ITGB8: variants seen among roughly 807,000 people sequenced by gnomAD.
The protein encoded by ITGB8 is integrin beta-8.
In ITGB8, 30 loss-of-function variants were observed where a neutral mutation model predicts 89.5. That is an observed-to-expected ratio of 0.34 (90% confidence interval 0.25 to 0.45). The LOEUF (loss-of-function observed/expected upper bound fraction) is 0.45, where lower values mean the gene tolerates loss of function less well. ITGB8 is among the 20% of genes least tolerant of loss of function. The probability of loss-of-function intolerance (pLI) is 1.00; values close to 1 mark genes in which losing one functional copy is unlikely to be tolerated. For synonymous variants in ITGB8, 335 were observed against 320.4 expected, an observed-to-expected ratio of 1.05 and a Z score of -0.49; for missense variants, 836 against 933.3, an observed-to-expected ratio of 0.90 and a Z score of 1.36.
chr7:20,367,502 C>A (rs1583497096), intron 3 of ITGB8, among the ~76,000 whole-genome samples: 1 of 152,282 alleles, frequency 6.6e-6, no homozygotes, highest in East Asian at 1.9e-4. Flanking sequence ...ATTCCACTCT[C>A]TTTTTCCAAT....
At chr7:20,371,550 A>T (rs1420355618) in intron 3 of ITGB8, among the ~76,000 whole-genome samples, 2 of 152,172 alleles carry the variant, frequency 1.3e-5, no homozygotes, top group Non-Finnish European at 2.9e-5. Flanking sequence ...TATAAGATCC[A>T]TTGTGCTACC....
chr7:20,406,215 G>C, intron 12 of ITGB8, 44 bp downstream of exon 12: 1 of 1,180,990 alleles, frequency 8.5e-7, no homozygotes, highest in Non-Finnish European at 1.3e-6. Flanking sequence ...AGTGTCTGTA[G>C]AGGATGATGT....
rs1239557647 is a variant in ITGB8 at position 20,331,748 on chromosome 7, CGCG to C, written c.-58_-56del. 6.4e-5 allele frequency: 99 copies of C among 1,551,008 alleles called. 1 individual carries two copies. In the African/African-American group the frequency reaches 1.2e-3, roughly 19 times the overall value. On this transcript the variant is annotated 5_prime_UTR_variant, in exon 1 of 14. Coordinates refer to ENST00000222573, the MANE Select transcript of ITGB8 (RefSeq NM_002214.3). The stretch of plus-strand genomic sequence containing the variant: ...CGGGCCCCGAGGTGCGCCCGGGAGG[CGCG>C]AGCCCGCGTCCGGAAGGCAGTCAGG...
chr7:20,380,760 C>T lies in ITGB8; in HGVS notation c.730C>T (p.Gln244Ter). The change falls in exon 5 of 14, where the codon CAG becomes TAG. Residue 244 changes from glutamine (Q) to a stop codon, truncating the protein, a stop_gained. Transcript: ENST00000222573. LOFTEE classifies it high-confidence loss of function. The stretch of plus-strand genomic sequence containing the variant: ...TGAGTTTGAGAAAGCAGTTCATAGA[C>T]AGAAGATCTCTGGAAACATAGATAC... ...ITEFEKAVHR[Q>*]KISGNIDTPE... The T allele has an allele frequency of 6.2e-7, 1 of 1,613,778 alleles. No individual in the cohort carries two copies. The highest frequency in any genetic ancestry group is 8.5e-7 in the Non-Finnish European group (1 of 1,179,658).
Position 20,402,057 on chromosome 7 carries a change from A to G in ITGB8, c.1618A>G (p.Lys540Glu), listed in dbSNP as rs112570626. 9 of 1,614,080 alleles carry G rather than the reference A, an allele frequency of 5.6e-6. No homozygotes were observed. In the African/African-American group the frequency reaches 9.3e-5, roughly 17 times the overall value. ...KCSCHKIKLG[K>E]VYGKYCEKDD... ...TTCATGTCACAAAATTAAGCTTGGAAAAGTGTATGGAAAATACTGTGAAAA... is the reference window on the plus strand; with the variant it reads ...TTCATGTCACAAAATTAAGCTTGGAGAAGTGTATGGAAAATACTGTGAAAA... Residue 540 changes from lysine (K) to glutamate (E), a missense_variant, in exon 10 of 14, where the codon AAA becomes GAA. By Grantham distance (56) the Lys-to-Glu change is moderately conservative. This residue lies in a region of ITGB8 where 422 missense variants were observed against 416.9 expected (regional missense o/e 1.01). Coordinates refer to ENST00000222573, the MANE Select transcript of ITGB8 (RefSeq NM_002214.3).
chr7:20,394,862 G>T, intron 7 of ITGB8, 34 bp from the exon 8 acceptor site: 1 of 1,419,520 alleles, frequency 7.0e-7, no homozygotes, highest in Non-Finnish European at 1.0e-6. Flanking sequence ...ACATACTATT[G>T]TCATTGTTTA....
At chr7:20,335,039 A>C (rs920427196) in intron 1 of ITGB8, among the ~76,000 whole-genome samples, 8 of 152,180 alleles carry the variant, frequency 5.3e-5, no homozygotes, top group South Asian at 2.1e-4. Context: ...ATTAACCATC[A>C]ACTCAAAGCC....
In ITGB8 at chr7:20,381,710, A is replaced by C. The variant is rs1786402680; in HGVS notation, c.802-17A>C. ...CTGTGTTATTGTACAAAGTCTAATT[A>C]CATGTTTATTTTTAAGAGTCATATC... is the stretch of plus-strand genomic sequence containing the variant. On this transcript the variant is annotated splice_polypyrimidine_tract_variant and intron_variant, in intron 5 of 13. Coordinates refer to ENST00000222573, the MANE Select transcript of ITGB8 (RefSeq NM_002214.3). 2 of 1,588,476 alleles carry C rather than the reference A, an allele frequency of 1.3e-6. No individual in the cohort carries two copies. Among genetic ancestry groups the C allele is most frequent in the Non-Finnish European group, 8.6e-7 (1 of 1,165,656 alleles).
chr7:20,398,991 T>C lies in ITGB8; in HGVS notation c.1278T>C (p.Asp426=). The part of the protein sequence containing the change: ...MEGCRNVTSN[D]EVLFNVTVTM... ...GATGCAGAAACGTGACGAGCAATGA[T>C]GAAGTATGTGGGTGTGCATTTTTCC... The change falls in exon 9 of 14, where the codon GAT becomes GAC. Residue 426 remains aspartate, a synonymous_variant. Transcript: ENST00000222573. The C allele has an allele frequency of 6.2e-7, 1 of 1,613,270 alleles. No individual in the cohort carries two copies. Among genetic ancestry groups the C allele is most frequent in the Non-Finnish European group, 8.5e-7 (1 of 1,179,632 alleles).
intron 1 of ITGB8, among the ~76,000 whole-genome samples, chr7:20,343,456 C>T (rs1462419949): frequency 6.6e-6 from 1 of 152,182 alleles, no homozygotes; most frequent in Non-Finnish European, 1.5e-5. Context: ...TTTCATAGCA[C>T]TCTTGTTAAG....
At chr7:20,357,431 T>A (rs967241112) in intron 1 of ITGB8, among the ~76,000 whole-genome samples, 2 of 152,116 alleles carry the variant, frequency 1.3e-5, no homozygotes, top group African/African-American at 4.8e-5. Flanking sequence ...ACACATAACA[T>A]CTTTCTTTGT....
intron 6 of ITGB8, among the ~76,000 whole-genome samples, chr7:20,386,755 G>A (rs1300063655): frequency 6.6e-6 from 1 of 151,816 alleles, no homozygotes. Context: ...CTTTCAAATG[G>A]GGTAAAATTA....
chr7:20,393,237 G>C (rs1786935498), intron 7 of ITGB8, among the ~76,000 whole-genome samples: 1 of 152,148 alleles, frequency 6.6e-6, no homozygotes, highest in African/African-American at 2.4e-5. Context: ...GGCTCTAGCA[G>C]TTTCTTCCTA....
chr7:20,347,941 A>C (rs79110628), intron 1 of ITGB8, among the ~76,000 whole-genome samples: 2,922 of 152,344 alleles, frequency 0.019, 51 homozygotes, highest in Non-Finnish European at 0.028. Flanking sequence ...GGACATTTAA[A>C]CATTGCTAAG....
At position 20,367,194 on chromosome 7, in the gene ITGB8, C is replaced by A; in HGVS notation, c.388+8C>A. 3 of 1,582,334 alleles carry A rather than the reference C, an allele frequency of 1.9e-6. No homozygotes were observed. Among genetic ancestry groups the A allele is most frequent in the South Asian group, 2.3e-5 (2 of 86,690 alleles). On this transcript the variant is annotated splice_region_variant and intron_variant, in intron 3 of 13. Transcript: ENST00000222573. ...CTATCCAGCTGCGTCCAGGTTTGGTCATTTTCAAATAAATCTATAATGATT... is the reference window on the plus strand; with the variant it reads ...CTATCCAGCTGCGTCCAGGTTTGGTAATTTTCAAATAAATCTATAATGATT...
intron 3 of ITGB8, among the ~76,000 whole-genome samples, chr7:20,369,631 A>T (rs1785848441): frequency 6.6e-6 from 1 of 152,184 alleles, no homozygotes; most frequent in African/African-American, 2.4e-5. Context: ...TTCGGAACAC[A>T]ATTCAGTCGA....
At chr7:20,358,395 T>C (rs1041479173) in intron 1 of ITGB8, among the ~76,000 whole-genome samples, 9 of 152,022 alleles carry the variant, frequency 5.9e-5, no homozygotes, top group African/African-American at 2.2e-4. Flanking sequence ...TTCCAGATGA[T>C]AAAAATATTA....
At chr7:20,349,999 G>A (rs557943391) in intron 1 of ITGB8, among the ~76,000 whole-genome samples, 6 of 152,230 alleles carry the variant, frequency 3.9e-5, no homozygotes, top group Middle Eastern at 6.8e-3. Context: ...CCAAAGATTT[G>A]CTCATGCCTC....
At chr7:20,393,491 A>G (rs1786947302) in intron 7 of ITGB8, among the ~76,000 whole-genome samples, 1 of 152,168 alleles carries the variant, frequency 6.6e-6, no homozygotes, top group South Asian at 2.1e-4. Flanking sequence ...AGAGTGATCT[A>G]TTGAAATCAC....
Sources: gnomAD v4.1 joint callset for allele counts (sites outside exome capture counted in the v4.1 genomes callset) on GRCh38, gnomAD v4.1.1 for gene constraint, gnomAD v4.1.1 regional missense constraint, MANE v1.5 for transcripts, NCBI Gene and HGNC (gene_info 2026-07-23, HGNC 2026-07-21) for gene names.